The following STOX1 variants were observed in gnomAD, a reference collection of about 807,000 sequenced individuals.
The protein encoded by STOX1 is storkhead-box protein 1.
In STOX1, 57 loss-of-function variants were observed where a neutral mutation model predicts 74.8. That is an observed-to-expected ratio of 0.76 (90% confidence interval 0.62 to 0.95). The LOEUF (loss-of-function observed/expected upper bound fraction) is 0.95. Ranked by LOEUF, STOX1 falls within the 40% of genes least tolerant of loss-of-function variation. STOX1 has a pLI of 0.00. For missense variants in STOX1, 1,010 were observed against 1,117.0 expected (o/e 0.90, Z 1.37); for synonymous variants, 375 against 401.3 (o/e 0.93, Z 0.78).
At chr10:68,832,310 T>G (rs1039824844) in intron 1 of STOX1, among the ~76,000 whole-genome samples, 2 of 152,234 alleles carry the variant, frequency 1.3e-5, no homozygotes, top group African/African-American at 4.8e-5. Flanking sequence ...TGTTCCCTTC[T>G]GAAATTTATA....
chr10:68,842,280 A>G (rs1839710743), intron 1 of STOX1, among the ~76,000 whole-genome samples: 1 of 152,184 alleles, frequency 6.6e-6, no homozygotes, highest in Non-Finnish European at 1.5e-5. Context: ...GGGCTTTCAG[A>G]GGCCATCCTG....
rs759167493 is a variant in STOX1 at position 68,885,641 on chromosome 10, G to T, written c.1845G>T (p.Glu615Asp). The T allele has an allele frequency of 6.2e-7, 1 of 1,614,168 alleles. No homozygotes were observed. Among genetic ancestry groups the T allele is most frequent in the Admixed American group, 1.7e-5 (1 of 60,016 alleles). ...ATGAAGTGTATGGTGGAGAAAATGA[G>T]GTAATTCCTGAAGTCTTGAGGAAAA... ...LRYEVYGGEN[E>D]VIPEVLRKSH... is the part of the protein sequence containing the mutation. Residue 615 changes from glutamate (E) to aspartate (D), a missense_variant, in exon 3 of 4, where the codon GAG becomes GAT. Physicochemically the swap from Glu to Asp is conservative, Grantham distance 45. Transcript: ENST00000298596.
intron 1 of STOX1, among the ~76,000 whole-genome samples, chr10:68,851,011 C>CA (rs965447654): frequency 1.3e-5 from 2 of 151,134 alleles, no homozygotes; most frequent in Admixed American, 6.6e-5. Context: ...CAAACAAACA[C>CA]AAAAAAAGCA....
At chr10:68,883,223 A>T (rs1429833952) in intron 2 of STOX1, among the ~76,000 whole-genome samples, 1 of 1,062 alleles carries the variant, frequency 9.4e-4, no homozygotes, top group Non-Finnish European at 1.8e-3. Context: ...TAAAAACTAC[A>T]AAAAAAAAAA....
rs1396673051 is a variant in STOX1, at chr10:68,884,304, A to C, written c.508A>C (p.Thr170Pro). Reference sequence around the variant, plus strand: ...AGATATTCTTTATACCACTCTGGGAACGCTGATTAAAGAAAGGAAGATTTA... The same window carrying C: ...AGATATTCTTTATACCACTCTGGGACCGCTGATTAAAGAAAGGAAGATTTA... ...SEDILYTTLG[T>P]LIKERKIYHT... Residue 170 changes from threonine to proline, a missense_variant, in exon 3 of 4, where the codon ACG (threonine) becomes CCG (proline). Transcript: ENST00000298596. 2.5e-6 allele frequency: 4 copies of C among 1,614,070 alleles called. No individual in the cohort carries two copies. The highest frequency in any genetic ancestry group is 3.4e-6 in the Non-Finnish European group (4 of 1,180,034).
chr10:68,848,233 C>T (rs943441959), intron 1 of STOX1, among the ~76,000 whole-genome samples: 10 of 152,182 alleles, frequency 6.6e-5, no homozygotes, highest in Admixed American at 3.3e-4. Flanking sequence ...TCCCATGTCT[C>T]CTTCAGGGCA....
At chr10:68,849,244 CA>C (rs1431387486) in intron 1 of STOX1, among the ~76,000 whole-genome samples, 1 of 152,136 alleles carries the variant, frequency 6.6e-6, no homozygotes, top group Non-Finnish European at 1.5e-5. Context: ...ACCTGGATTC[CA>C]GTCCTAACTT....
chr10:68,894,070 T>G (rs917917133), downstream of STOX1, among the ~76,000 whole-genome samples: 1 of 151,896 alleles, frequency 6.6e-6, no homozygotes, highest in Non-Finnish European at 1.5e-5. Context: ...CTTTTCTTTT[T>G]TTTTTTTGAG....
intron 1 of STOX1, among the ~76,000 whole-genome samples, chr10:68,873,871 G>A (rs1338190601): frequency 2.0e-5 from 3 of 149,840 alleles, no homozygotes; most frequent in South Asian, 4.2e-4. Context: ...GGCTGGTCTC[G>A]AACCCCTGAC....
At chr10:68,842,536 C>CTTTTTT (rs11332701) in intron 1 of STOX1, among the ~76,000 whole-genome samples, 15 of 71,964 alleles carry the variant, frequency 2.1e-4, no homozygotes, top group Non-Finnish European at 2.6e-4. Context: ...TGTACCATTT[C>CTTTTTT]TTTTTTTTTT....
In STOX1 at chr10:68,833,558, A is replaced by G. The variant is rs144240106; in HGVS notation, c.310+5625A>G. Among the ~76,000 whole-genome samples the G allele has an allele frequency of 2.4e-3, 361 of 152,196 alleles. 2 individuals carry two copies. The highest frequency in any genetic ancestry group is 8.4e-3 in the African/African-American group (350 of 41,542). On this transcript the variant is annotated intron_variant, in intron 1 of 3. Transcript: ENST00000298596. ...ATGATCAATTGAACAAGCAGGGGGT[A>G]CGTGACAGGGGCTGCATGCACTGGT...
chr10:68,852,249 C>CTTTTTTT (rs34908700), intron 1 of STOX1, among the ~76,000 whole-genome samples: 2 of 118,974 alleles, frequency 1.7e-5, no homozygotes, highest in Non-Finnish European at 3.4e-5. Context: ...TCTCTTACTG[C>CTTTTTTT]TTTTTTTTTT....
At chr10:68,895,132 T>G (rs190712414), downstream of STOX1, 1 of 152,246 alleles carries the variant, frequency 6.6e-6, no homozygotes, top group Non-Finnish European at 1.5e-5. Context: ...ATCCCTTTAC[T>G]GATATGTTGG....
chr10:68,839,692 C>A (rs1839646147), intron 1 of STOX1, among the ~76,000 whole-genome samples: 2 of 152,144 alleles, frequency 1.3e-5, no homozygotes. Context: ...GAGTTTGAGA[C>A]CAGCCTGGCC....
rs1840955562 is a variant in STOX1, at chr10:68,886,311, A to G, written c.2515A>G (p.Ser839Gly). The G allele has an allele frequency of 6.2e-7, 1 of 1,614,208 alleles. No individual in the cohort carries two copies. Among genetic ancestry groups the G allele is most frequent in the Non-Finnish European group, 8.5e-7 (1 of 1,180,028 alleles). ...QFGFNYEEEP[S>G]VAKCVQASAP... is the part of the protein sequence containing the mutation. ...TGGTTTTAACTACGAAGAAGAACCC[A>G]GTGTTGCTAAATGTGTACAGGCCTC... is the stretch of plus-strand genomic sequence containing the variant. Residue 839 changes from serine to glycine, a missense_variant, in exon 3 of 4, where the codon AGT becomes GGT. By Grantham distance (56) the Ser-to-Gly change is moderately conservative. Coordinates refer to ENST00000298596, the MANE Select transcript of STOX1 (RefSeq NM_152709.5).
downstream of STOX1, among the ~76,000 whole-genome samples, chr10:68,894,593 C>T (rs1325868024): frequency 6.6e-6 from 1 of 152,136 alleles, no homozygotes; most frequent in East Asian, 1.9e-4. Flanking sequence ...AAACCCTGCT[C>T]TAAGTGCCAA....
In STOX1 at chr10:68,885,828, G is replaced by A. The variant is rs201271155; in HGVS notation, c.2032G>A (p.Val678Met). The change falls in exon 3 of 4, where the codon GTG (valine) becomes ATG (methionine). Residue 678 changes from valine to methionine, a missense_variant. Coordinates refer to ENST00000298596, the MANE Select transcript of STOX1 (RefSeq NM_152709.5). ...TGGCCTTTTGGATTACCCAGTTGGC[G>A]TGAACCCTTTAAGACAAGCTGCAAG... Reference protein sequence around the residue: ...NLGLLDYPVGVNPLRQAARQD... With the variant: ...NLGLLDYPVGMNPLRQAARQD... 5.8e-5 allele frequency: 94 copies of A among 1,614,024 alleles called. No homozygotes were observed. The African/African-American group carries it at 7.2e-4, about 12-fold the overall frequency.
intron 1 of STOX1, among the ~76,000 whole-genome samples, chr10:68,873,982 G>C (rs1404071610): frequency 6.0e-5 from 5 of 83,990 alleles, no homozygotes; most frequent in Admixed American, 5.0e-4. Context: ...TTAATCCTGA[G>C]TTTAAGAAAA....
At position 68,885,703 on chromosome 10, in the gene STOX1, A is replaced by G. The variant is rs1840931522; in HGVS notation, c.1907A>G (p.Gln636Arg). ...TTTGACAAATTAGGGGAGACCAAAC[A>G]GACTCCGCATAGTCTGCCATCACGA... is the stretch of plus-strand genomic sequence containing the variant. ...SHFDKLGETK[Q>R]TPHSLPSRGA... is the part of the protein sequence containing the mutation. The change falls in exon 3 of 4, where the codon CAG becomes CGG. Residue 636 changes from glutamine to arginine, a missense_variant. Transcript: ENST00000298596. 1 of 1,614,044 alleles carries G rather than the reference A, an allele frequency of 6.2e-7. No homozygotes were observed. Among genetic ancestry groups the G allele is most frequent in the Non-Finnish European group, 8.5e-7 (1 of 1,180,048 alleles).
Sources: gnomAD v4.1 joint callset for allele counts (sites outside exome capture counted in the v4.1 genomes callset) on GRCh38, gnomAD v4.1.1 for gene constraint, MANE v1.5 for transcripts, NCBI Gene and HGNC (gene_info 2026-07-23, HGNC 2026-07-21) for gene names.